Variants in PRRX2 observed in about 807,000 individuals in gnomAD.
PRRX2 encodes paired mesoderm homeobox protein 2.
Under a neutral mutation model 18.0 loss-of-function variants are expected in PRRX2, and 11 were observed. The ratio of observed to expected loss-of-function variants is 0.61; its 90% CI spans 0.39 to 1.01. PRRX2 has a LOEUF of 1.01. PRRX2 is among the 50% of genes least tolerant of loss of function. The pLI, the probability that PRRX2 is intolerant of heterozygous loss-of-function variation, is 0.01. For missense variants in PRRX2, 387 were observed against 351.0 expected, an observed-to-expected ratio of 1.10 and a Z score of -0.82; for synonymous variants, 177 against 154.8, an observed-to-expected ratio of 1.14 and a Z score of -1.06.
chr9:129,693,311 C>T (rs540901996), intron 1 of PRRX2, among the ~76,000 whole-genome samples: 1 of 152,208 alleles, frequency 6.6e-6, no homozygotes, highest in South Asian at 2.1e-4. Context: ...AGATTGTTCT[C>T]AGCTGGGTGC....
At chr9:129,716,440 AC>A (rs1413140672) in intron 1 of PRRX2, among the ~76,000 whole-genome samples, 1 of 150,080 alleles carries the variant, frequency 6.7e-6, no homozygotes, top group Non-Finnish European at 1.5e-5. Context: ...AACAGTACAT[AC>A]TATGCTTTCT....
chr9:129,686,770 G>A (rs1832304259), intron 1 of PRRX2, among the ~76,000 whole-genome samples: 2 of 152,120 alleles, frequency 1.3e-5, no homozygotes, highest in African/African-American at 4.8e-5. Flanking sequence ...TGCAGCCTCC[G>A]GATTCGCCCT....
intron 1 of PRRX2, among the ~76,000 whole-genome samples, chr9:129,716,535 A>G (rs1430916464): frequency 6.6e-6 from 1 of 151,202 alleles, no homozygotes; most frequent in African/African-American, 2.4e-5. Context: ...GCTCATAGCA[A>G]CCTCCACCCC....
chr9:129,717,709 A>G lies in PRRX2; in HGVS notation c.260-1522A>G, dbSNP rs959902928. Among the ~76,000 whole-genome samples, 137 of 151,292 alleles carry G rather than the reference A, an allele frequency of 9.1e-4. 1 individual carries two copies. Among genetic ancestry groups the G allele is most frequent in the Non-Finnish European group, 1.7e-3 (118 of 67,850 alleles). On this transcript the variant is annotated intron_variant, in intron 1 of 3. Transcript: ENST00000372469. ...AGACTCCGCCTCAAAAAAAAAAAAA[A>G]AAAAAGAAAAAGAAAAAAGAAAGAA...
chr9:129,705,977 C>T (rs1423108626), intron 1 of PRRX2, among the ~76,000 whole-genome samples: 1 of 152,174 alleles, frequency 6.6e-6, no homozygotes, highest in Non-Finnish European at 1.5e-5. Flanking sequence ...CCACCTCACT[C>T]CTCACCCCCT....
chr9:129,701,747 T>C (rs145033554), intron 1 of PRRX2, among the ~76,000 whole-genome samples: 74 of 152,366 alleles, frequency 4.9e-4, no homozygotes, highest in African/African-American at 1.6e-3. Context: ...ACAAAAAGTA[T>C]GCAAAGAATT....
intron 1 of PRRX2, among the ~76,000 whole-genome samples, chr9:129,706,631 G>C (rs760377995): frequency 6.6e-6 from 1 of 152,134 alleles, no homozygotes; most frequent in Non-Finnish European, 1.5e-5. Flanking sequence ...GGGAGGCTGA[G>C]GTGGGAGGAT....
chr9:129,679,596 C>A (rs1476558676), intron 1 of PRRX2, among the ~76,000 whole-genome samples: 1 of 152,184 alleles, frequency 6.6e-6, no homozygotes, highest in Non-Finnish European at 1.5e-5. Context: ...GTGATCTATT[C>A]CCTACCCCTG....
At chr9:129,674,040 G>A (rs756371893) in intron 1 of PRRX2, among the ~76,000 whole-genome samples, 84 of 152,134 alleles carry the variant, frequency 5.5e-4, no homozygotes, top group Admixed American at 1.6e-3. Flanking sequence ...CCCTCCCAAG[G>A]AGCATGGCTT....
intron 1 of PRRX2, among the ~76,000 whole-genome samples, chr9:129,689,621 G>A (rs1277090702): frequency 6.6e-6 from 1 of 151,966 alleles, no homozygotes; most frequent in Non-Finnish European, 1.5e-5. Flanking sequence ...TCGCCAGTGA[G>A]TGGTCCTCAA....
At chr9:129,667,797 G>A (rs1454289788) in intron 1 of PRRX2, among the ~76,000 whole-genome samples, 2 of 152,172 alleles carry the variant, frequency 1.3e-5, no homozygotes, top group African/African-American at 4.8e-5. Context: ...GTGTCAGCTG[G>A]GGATGTGGGC....
At chr9:129,667,575 G>A (rs1216860613) in intron 1 of PRRX2, among the ~76,000 whole-genome samples, 2 of 152,006 alleles carry the variant, frequency 1.3e-5, no homozygotes, top group African/African-American at 4.8e-5. Flanking sequence ...AGGGAGGAGA[G>A]ACAGAGGAAG....
chr9:129,693,349 T>G (rs1056899626), intron 1 of PRRX2, among the ~76,000 whole-genome samples: 1 of 152,202 alleles, frequency 6.6e-6, no homozygotes, highest in African/African-American at 2.4e-5. Flanking sequence ...ATCTTAGCAC[T>G]TTGGGAGGCC....
Position 129,719,429 on chromosome 9 carries a change from A to T in PRRX2, c.447+11A>T. 1 of 1,504,950 alleles carries T rather than the reference A, an allele frequency of 6.6e-7. No individual in the cohort carries two copies. Among genetic ancestry groups the T allele is most frequent in the Non-Finnish European group, 8.9e-7 (1 of 1,125,156 alleles). 93.2% of individuals were successfully genotyped at this position (1,504,950 alleles called of 1,614,324 possible). A position where few individuals can be genotyped will look rare whatever the true frequency, so the allele number is the denominator to read the frequency against. ...GAGGCGCGCGTTCAGGTGAGCGCTC[A>T]GTCCCGGGCCTCCCGTGGGAGCGTG... On this transcript the variant is annotated intron_variant, in intron 2 of 3. Transcript: ENST00000372469.
rs1265629247 is a variant in PRRX2, at chr9:129,666,597, C to A, written c.259+471C>A. On this transcript the variant is annotated intron_variant, in intron 1 of 3. Transcript: ENST00000372469. ...CCCCCCCCCACCCTCCAGTTTGCCC[C>A]GGGAGCAGCTGCCTCGGTGGAACGG... 2.4e-4 allele frequency among the ~76,000 whole-genome samples: 34 copies of A among 141,574 alleles called. No homozygotes were observed. In the East Asian group the frequency reaches 6.2e-3, roughly 26 times the overall value. The allele number at this position is 141,574 out of a possible 152,430, so 92.9% of individuals were successfully genotyped here. A position where few individuals can be genotyped will look rare whatever the true frequency, so the allele number is the denominator to read the frequency against.
intron 1 of PRRX2, among the ~76,000 whole-genome samples, chr9:129,692,805 A>C (rs1832377186): frequency 6.6e-6 from 1 of 152,060 alleles, no homozygotes; most frequent in African/African-American, 2.4e-5. Flanking sequence ...CTACTGGAGG[A>C]CGTGTTAGTT....
At chr9:129,702,049 C>T (rs1832504957) in intron 1 of PRRX2, among the ~76,000 whole-genome samples, 1 of 148,192 alleles carries the variant, frequency 6.7e-6, no homozygotes, top group Non-Finnish European at 1.5e-5. Flanking sequence ...TGCCCTGAGC[C>T]AGGATCGCAC....
chr9:129,666,853 A>T (rs1422297560), intron 1 of PRRX2, among the ~76,000 whole-genome samples: 4 of 152,142 alleles, frequency 2.6e-5, no homozygotes, highest in Non-Finnish European at 5.9e-5. Context: ...CTCAGCACAC[A>T]CTAAGGATGG....
chr9:129,692,230 A>G (rs1331590674), intron 1 of PRRX2, among the ~76,000 whole-genome samples: 1 of 152,076 alleles, frequency 6.6e-6, no homozygotes, highest in Non-Finnish European at 1.5e-5. Flanking sequence ...GATTACAGGC[A>G]TGAGCCACCA....
Sources: allele counts gnomAD v4.1 joint callset (sites outside exome capture counted in the v4.1 genomes callset), GRCh38; gene constraint gnomAD v4.1.1; transcripts MANE v1.5; gene names NCBI Gene and HGNC (gene_info 2026-07-23, HGNC 2026-07-21).